Variants in VPS13D observed in about 807,000 individuals in gnomAD.
The protein encoded by VPS13D is vacuolar protein sorting 13 homolog D, also known as intermembrane lipid transfer protein VPS13D.
VPS13D carries 187 observed loss-of-function variants against 461.9 expected under a neutral mutation model. The ratio of observed to expected loss-of-function variants is 0.40; its 90% CI spans 0.36 to 0.46. The LOEUF is 0.46. Among genes scored for constraint, VPS13D ranks in the 20% least tolerant of loss-of-function variants. VPS13D has a pLI of 0.60. For synonymous variants in VPS13D, 1,951 were observed against 1,986.3 expected (o/e 0.98, Z 0.47); for missense variants, 4,711 against 5,364.9 (o/e 0.88, Z 3.81).
At chr1:12,421,599 AAAAT>A (rs1278764598) in intron 65 of VPS13D, among the ~76,000 whole-genome samples, 3 of 152,202 alleles carry the variant, frequency 2.0e-5, no homozygotes, top group African/African-American at 7.2e-5. Flanking sequence ...TATCCTCAAC[AAAAT>A]AAATAAAGTA....
chr1:12,289,061 C>A (rs1000396685), intron 22 of VPS13D, among the ~76,000 whole-genome samples: 1 of 152,070 alleles, frequency 6.6e-6, no homozygotes, highest in East Asian at 1.9e-4. Context: ...AGGCTATTCT[C>A]GAACTCCTGA....
intron 5 of VPS13D, among the ~76,000 whole-genome samples, chr1:12,244,878 C>T (rs1640497173): frequency 1.3e-5 from 2 of 152,154 alleles, no homozygotes; most frequent in African/African-American, 4.8e-5. Context: ...CATTTCACTT[C>T]CCGCACTTTC....
intron 25 of VPS13D, among the ~76,000 whole-genome samples, chr1:12,301,979 T>C (rs1028751683): frequency 1.3e-5 from 2 of 152,186 alleles, no homozygotes; most frequent in Non-Finnish European, 2.9e-5. Context: ...GTGATCATCA[T>C]AGAGTGTCCT....
chr1:12,415,054 T>G (rs756367169), intron 63 of VPS13D, 33 bp from the exon 64 acceptor site: 4 of 1,611,892 alleles, frequency 2.5e-6, no homozygotes. Context: ...ATCATATGAC[T>G]TAAGTATGTC....
chr1:12,455,964 T>G, intron 65 of VPS13D, 34 bp from the exon 66 acceptor site: 3 of 1,575,198 alleles, frequency 1.9e-6, no homozygotes, highest in Non-Finnish European at 2.6e-6. Flanking sequence ...TGCCAAGACT[T>G]TAAAACTCTT....
chr1:12,315,939 C>G (rs1461735565), intron 30 of VPS13D, among the ~76,000 whole-genome samples: 1 of 152,124 alleles, frequency 6.6e-6, no homozygotes, highest in Admixed American at 6.5e-5. Flanking sequence ...GTCTCAGCCT[C>G]CTGAGTAGCT....
intron 67 of VPS13D, among the ~76,000 whole-genome samples, chr1:12,486,095 C>T (rs1645793353): frequency 6.6e-6 from 1 of 152,184 alleles, no homozygotes; most frequent in African/African-American, 2.4e-5. Context: ...GCCCAAAAAT[C>T]CAAGATACTC....
chr1:12,309,761 CAAAAA>C (rs1398161248), intron 27 of VPS13D, among the ~76,000 whole-genome samples: 1 of 73,032 alleles, frequency 1.4e-5, no homozygotes. Flanking sequence ...GACTCAGTCT[CAAAAA>C]AAAAAAAAAA....
intron 55 of VPS13D, among the ~76,000 whole-genome samples, chr1:12,374,639 A>G (rs575033195): frequency 2.6e-5 from 4 of 152,192 alleles, no homozygotes; most frequent in Non-Finnish European, 5.9e-5. Context: ...CATATTTTCT[A>G]TATATGTATG....
intron 27 of VPS13D, among the ~76,000 whole-genome samples, chr1:12,310,007 T>C (rs998970278): frequency 8.5e-5 from 13 of 152,158 alleles, no homozygotes; most frequent in African/African-American, 3.1e-4. Flanking sequence ...GCATGGGCTA[T>C]ATTTGGTTTT....
chr1:12,369,790 C>A, intron 54 of VPS13D, 88 bp downstream of exon 54: 4 of 1,172,726 alleles, frequency 3.4e-6, no homozygotes, highest in Non-Finnish European at 4.8e-6. Flanking sequence ...CTTAGGAGAC[C>A]AAAGTACAAA....
At chr1:12,487,544 G>A (rs1324284644) in intron 67 of VPS13D, among the ~76,000 whole-genome samples, 1 of 151,568 alleles carries the variant, frequency 6.6e-6, no homozygotes, top group Non-Finnish European at 1.5e-5. Flanking sequence ...CCAGGAGGTG[G>A]AGGTTGCAGT....
chr1:12,390,951 A>G (rs1360571376), intron 60 of VPS13D, among the ~76,000 whole-genome samples: 1 of 152,200 alleles, frequency 6.6e-6, no homozygotes, highest in Non-Finnish European at 1.5e-5. Context: ...TCCTCTGCTG[A>G]GGTCACCCAT....
intron 58 of VPS13D, among the ~76,000 whole-genome samples, chr1:12,383,566 G>A (rs143023350): frequency 8.7e-4 from 133 of 152,266 alleles, no homozygotes; most frequent in African/African-American, 3.0e-3. Context: ...GAAAGGATTT[G>A]TATTCCCAGA....
At chr1:12,364,260 G>T (rs1158657859) in intron 52 of VPS13D, among the ~76,000 whole-genome samples, 5 of 151,974 alleles carry the variant, frequency 3.3e-5, no homozygotes, top group Admixed American at 3.3e-4. Flanking sequence ...GTTCTACTTG[G>T]TGTCTATAAA....
chr1:12,446,707 C>T (rs1412052373), intron 65 of VPS13D, among the ~76,000 whole-genome samples: 1 of 152,164 alleles, frequency 6.6e-6, no homozygotes, highest in Non-Finnish European at 1.5e-5. Context: ...AATGTTTTAG[C>T]TTTGGTGTTC....
At chr1:12,256,962 G>A (rs1640942889) in intron 8 of VPS13D, 25 bp from the exon 9 acceptor site, 1 of 1,611,542 alleles carries the variant, frequency 6.2e-7, no homozygotes, top group East Asian at 2.2e-5. Context: ...TTCTAACCTA[G>A]TATCTCTTAA....
At chr1:12,308,857 G>T (rs1005881996) in intron 27 of VPS13D, among the ~76,000 whole-genome samples, 5 of 151,908 alleles carry the variant, frequency 3.3e-5, no homozygotes, top group Non-Finnish European at 7.4e-5. Flanking sequence ...TTACCATGTT[G>T]TGGTCTTGAA....
rs569697742 is a variant in VPS13D at position 12,293,143 on chromosome 1, G to A, written c.5853-381G>A. 4.6e-5 allele frequency among the ~76,000 whole-genome samples: 7 copies of A among 152,294 alleles called. No homozygotes were observed. In the South Asian group the frequency reaches 1.2e-3, roughly 27 times the overall value. ...TTTTCCTAGAAACATTGATTCTGAT[G>A]CCTAATTTTCTTTACCCATTAATTC... is the stretch of plus-strand genomic sequence containing the variant. On this transcript the variant is annotated intron_variant, in intron 23 of 69. Transcript: ENST00000620676.
Sources: gnomAD v4.1 joint callset for allele counts (sites outside exome capture counted in the v4.1 genomes callset) on GRCh38, gnomAD v4.1.1 for gene constraint, MANE v1.5 for transcripts, NCBI Gene and HGNC (gene_info 2026-07-23, HGNC 2026-07-21) for gene names.